KAT14: variants seen among roughly 807,000 people sequenced by gnomAD.
KAT14 encodes the protein lysine acetyltransferase 14.
In KAT14, 66 loss-of-function variants were observed where a neutral mutation model predicts 78.4. That is an observed-to-expected ratio of 0.84 (90% CI 0.69 to 1.03). The LOEUF is 1.03. Among genes scored for constraint, KAT14 ranks in the 50% least tolerant of loss-of-function variants. The pLI is 0.00. For missense variants in KAT14, 870 were observed against 972.5 expected, an observed-to-expected ratio of 0.89 and a Z score of 1.40; for synonymous variants, 344 against 359.4, an observed-to-expected ratio of 0.96 and a Z score of 0.48.
intron 2 of KAT14, among the ~76,000 whole-genome samples, chr20:18,144,077 A>G (rs926239014): frequency 2.6e-5 from 4 of 152,276 alleles, no homozygotes; most frequent in African/African-American, 4.8e-5. Flanking sequence ...TTTGTGTAAT[A>G]TAATTTGTAA....
At chr20:18,141,905 A>T (rs542170315) in intron 1 of KAT14, among the ~76,000 whole-genome samples, 25 of 152,274 alleles carry the variant, frequency 1.6e-4, no homozygotes, top group African/African-American at 5.3e-4. Context: ...AATAAAAAAA[A>T]ATTTAACATA....
At chr20:18,172,116 A>G (rs1041620650) in intron 7 of KAT14, among the ~76,000 whole-genome samples, 1 of 146,694 alleles carries the variant, frequency 6.8e-6, no homozygotes, top group Non-Finnish European at 1.5e-5. Flanking sequence ...TTTTTTTTTT[A>G]TTTGAGACAG....
intron 7 of KAT14, among the ~76,000 whole-genome samples, chr20:18,172,316 G>A (rs1313886987): frequency 6.6e-6 from 1 of 151,820 alleles, no homozygotes; most frequent in Non-Finnish European, 1.5e-5. Flanking sequence ...TGGCCAGGCT[G>A]GTCTTGAACT....
intron 7 of KAT14, among the ~76,000 whole-genome samples, chr20:18,164,391 G>C (rs2038557746): frequency 6.6e-6 from 1 of 151,878 alleles, no homozygotes; most frequent in Non-Finnish European, 1.5e-5. Flanking sequence ...TTACTATAGG[G>C]GTATAATTGG....
chr20:18,137,981 T>C lies in KAT14; in HGVS notation c.-524T>C. On this transcript the variant is annotated 5_prime_UTR_variant, in exon 1 of 11. Transcript: ENST00000688188. ...ATGTCTAGGAGCTCGAAGGTGGTGC[T>C]GGGCCTCTCGGTGCTGCTGACGGCG... is the stretch of plus-strand genomic sequence containing the variant. The C allele has an allele frequency of 1.3e-6, 2 of 1,504,928 alleles. No individual in the cohort carries two copies. Among genetic ancestry groups the C allele is most frequent in the South Asian group, 1.2e-5 (1 of 80,736 alleles). The allele number at this position is 1,504,928 out of a possible 1,614,324, so 93.2% of individuals were successfully genotyped here. A position where few individuals can be genotyped will look rare whatever the true frequency, so the allele number is the denominator to read the frequency against.
chr20:18,159,306 A>G (rs1290540057), intron 5 of KAT14, 41 bp downstream of exon 5: 2 of 1,594,178 alleles, frequency 1.3e-6, no homozygotes, highest in Non-Finnish European at 8.5e-7. Flanking sequence ...TAGTCAGACC[A>G]GAGCCAAGCA....
At chr20:18,145,791 A>G (rs973392327) in intron 3 of KAT14, among the ~76,000 whole-genome samples, 2 of 152,122 alleles carry the variant, frequency 1.3e-5, no homozygotes, top group African/African-American at 4.8e-5. Context: ...AAAAAAAAAA[A>G]AATATATTCA....
At chr20:18,140,966 T>A (rs1464665041) in intron 1 of KAT14, among the ~76,000 whole-genome samples, 1 of 146,410 alleles carries the variant, frequency 6.8e-6, no homozygotes, top group African/African-American at 2.5e-5. Flanking sequence ...GAGGTGATCC[T>A]ATCACCTCAG....
At chr20:18,181,356 TTTTG>T (rs2039239942) in intron 7 of KAT14, among the ~76,000 whole-genome samples, 1 of 147,616 alleles carries the variant, frequency 6.8e-6, no homozygotes, top group African/African-American at 2.5e-5. Flanking sequence ...CTCAGAGTAA[TTTTG>T]TTTCTTTTTT....
chr20:18,168,623 T>G (rs1049846864), intron 7 of KAT14, among the ~76,000 whole-genome samples: 1 of 152,198 alleles, frequency 6.6e-6, no homozygotes, highest in Admixed American at 6.5e-5. Flanking sequence ...TCTTTGTTTT[T>G]TATCTTTAAT....
chr20:18,187,468 C>T lies in KAT14; in HGVS notation c.*9C>T. On this transcript the variant is annotated 3_prime_UTR_variant, in exon 11 of 11. Coordinates refer to ENST00000688188, the MANE Select transcript of KAT14 (RefSeq NM_001392073.1). ...TGAGGCTCCGGCGCTGATGCGAATA[C>T]AGCTCACAGAGAAACGCATGTGCTA... 6.2e-7 allele frequency: 1 copy of T among 1,613,736 alleles called. No individual in the cohort carries two copies. Among genetic ancestry groups the T allele is most frequent in the South Asian group, 1.1e-5 (1 of 90,926 alleles).
chr20:18,167,760 T>C (rs1158033660), intron 7 of KAT14, among the ~76,000 whole-genome samples: 1 of 152,186 alleles, frequency 6.6e-6, no homozygotes, highest in East Asian at 1.9e-4. Context: ...TCAGAGAAAA[T>C]AGTTTATGTG....
At chr20:18,162,272 G>T in intron 6 of KAT14, 33 bp downstream of exon 6, 2 of 1,612,686 alleles carry the variant, frequency 1.2e-6, no homozygotes, top group Non-Finnish European at 1.7e-6. Flanking sequence ...CTTTTATTTT[G>T]GGTATGGGCC....
rs535836049 is a variant in KAT14 at position 18,165,344 on chromosome 20, T to TC, written c.1668+2404dup. 1.1e-4 allele frequency among the ~76,000 whole-genome samples: 17 copies of TC among 152,220 alleles called. No individual in the cohort carries two copies. In the East Asian group the frequency reaches 3.1e-3, roughly 28 times the overall value. On this transcript the variant is annotated intron_variant, in intron 7 of 10. Coordinates refer to ENST00000688188, the MANE Select transcript of KAT14 (RefSeq NM_001392073.1). Reference sequence around the variant, plus strand: ...GGTCATTGTTGTGGACTGAATTGTGTCCCCCTTAAGCATATGTTGAAGTCC... The same window carrying TC: ...GGTCATTGTTGTGGACTGAATTGTGTCCCCCCTTAAGCATATGTTGAAGTCC...
At chr20:18,165,112 T>C (rs529880109) in intron 7 of KAT14, among the ~76,000 whole-genome samples, 2 of 152,312 alleles carry the variant, frequency 1.3e-5, no homozygotes, top group East Asian at 3.9e-4. Flanking sequence ...ACCTTAGAAG[T>C]CTCCTGTGTA....
intron 5 of KAT14, among the ~76,000 whole-genome samples, chr20:18,161,045 A>G (rs1207290242): frequency 1.3e-5 from 2 of 151,958 alleles, no homozygotes; most frequent in Non-Finnish European, 2.9e-5. Flanking sequence ...GTGATGGCGC[A>G]TGCCTGTAAT....
chr20:18,185,683 A>C (rs1374998846), intron 10 of KAT14, among the ~76,000 whole-genome samples: 1 of 152,104 alleles, frequency 6.6e-6, no homozygotes, highest in Non-Finnish European at 1.5e-5. Flanking sequence ...TTTCCCCTAG[A>C]ATTTTTTTTA....
chr20:18,172,081 CACA>C (rs964122762), intron 7 of KAT14, among the ~76,000 whole-genome samples: 4 of 151,970 alleles, frequency 2.6e-5, no homozygotes, highest in African/African-American at 7.3e-5. Flanking sequence ...TGTTATTGCA[CACA>C]ACAACAATAT....
chr20:18,174,157 T>C (rs1453178390), intron 7 of KAT14, among the ~76,000 whole-genome samples: 1 of 152,250 alleles, frequency 6.6e-6, no homozygotes, highest in African/African-American at 2.4e-5. Flanking sequence ...TTAGTATTCC[T>C]AAATATGGCT....
Sources: allele counts gnomAD v4.1 joint callset (sites outside exome capture counted in the v4.1 genomes callset), GRCh38; gene constraint gnomAD v4.1.1; transcripts MANE v1.5; gene names NCBI Gene and HGNC (gene_info 2026-07-23, HGNC 2026-07-21).